Variants in SLC7A5 observed in about 807,000 individuals in gnomAD.
The protein encoded by SLC7A5 is solute carrier family 7 member 5, also known as large neutral amino acids transporter small subunit 1.
A neutral mutation model predicts 50.2 loss-of-function variants in SLC7A5; 23 were observed. The ratio of observed to expected loss-of-function variants is 0.46; its 90% CI spans 0.33 to 0.65. SLC7A5 has a LOEUF of 0.65. Among genes scored for constraint, SLC7A5 ranks in the 30% least tolerant of loss-of-function variants. SLC7A5 has a pLI of 0.02. For missense variants in SLC7A5, 578 were observed against 684.4 expected (o/e 0.84, Z 1.73); for synonymous variants, 393 against 330.6 (o/e 1.19, Z -2.05).
At chr16:87,846,045 T>C (rs1469717759) in intron 2 of SLC7A5, among the ~76,000 whole-genome samples, 2 of 152,214 alleles carry the variant, frequency 1.3e-5, no homozygotes, top group South Asian at 2.1e-4. Flanking sequence ...CAAGCATCCT[T>C]TATCAACTGC....
At chr16:87,864,495 C>A (rs971644162) in intron 1 of SLC7A5, among the ~76,000 whole-genome samples, 1 of 152,126 alleles carries the variant, frequency 6.6e-6, no homozygotes, top group Non-Finnish European at 1.5e-5. Context: ...TCTCCCTTCC[C>A]GGGACATCCA....
intron 5 of SLC7A5, among the ~76,000 whole-genome samples, chr16:87,839,320 A>G (rs537058595): frequency 2.0e-4 from 30 of 152,342 alleles, no homozygotes; most frequent in Non-Finnish European, 4.0e-4. Context: ...CCAAGCCAGC[A>G]GCAGCCGTGC....
chr16:87,838,677 G>C, intron 6 of SLC7A5, 37 bp downstream of exon 6: 1 of 1,489,258 alleles, frequency 6.7e-7, no homozygotes, highest in South Asian at 1.1e-5. Flanking sequence ...ATGAGGCCTG[G>C]GCCTCCCTCA....
rs1445170529 is a variant in SLC7A5, at chr16:87,833,806, C to T, written c.1468+608G>A. 6.6e-6 allele frequency among the ~76,000 whole-genome samples: 1 copy of T among 151,762 alleles called. No homozygotes were observed. The highest frequency in any genetic ancestry group is 1.5e-5 in the Non-Finnish European group (1 of 67,916). On this transcript the variant is annotated intron_variant, in intron 9 of 9. Coordinates refer to ENST00000261622, the MANE Select transcript of SLC7A5 (RefSeq NM_003486.7). The surrounding 1 kb of genome is among the most constrained non-coding windows in gnomAD (Gnocchi z 6.0). ...GGTCCTGAGCTTGGTGACAAAGCACCCCTGGGGCTGCCGCTGCACACAGGG... is the reference window on the plus strand; with the variant it reads ...GGTCCTGAGCTTGGTGACAAAGCACTCCTGGGGCTGCCGCTGCACACAGGG...
intron 1 of SLC7A5, among the ~76,000 whole-genome samples, chr16:87,856,848 T>G (rs1004054534): frequency 6.6e-6 from 1 of 151,756 alleles, no homozygotes; most frequent in East Asian, 1.9e-4. Flanking sequence ...AAAGCAGTGG[T>G]GGGGGAGGCG....
intron 2 of SLC7A5, among the ~76,000 whole-genome samples, chr16:87,847,162 G>T (rs1170252199): frequency 1.3e-5 from 2 of 152,216 alleles, no homozygotes; most frequent in African/African-American, 4.8e-5. Flanking sequence ...AGAAGGAACA[G>T]CTCTAAGCCA....
intron 2 of SLC7A5, 146 bp downstream of exon 2, chr16:87,851,578 G>T: frequency 2.8e-6 from 3 of 1,079,100 alleles, no homozygotes; most frequent in South Asian, 1.6e-5. Context: ...CTTGCTGGGT[G>T]ATTTTCCCAG....
chr16:87,834,369 C>T, intron 9 of SLC7A5, 45 bp downstream of exon 9: 2 of 1,545,792 alleles, frequency 1.3e-6, no homozygotes, highest in Non-Finnish European at 1.8e-6. Context: ...CCTTCGCTGC[C>T]CAGGGCAGAG....
chr16:87,848,775 C>G (rs35567562), intron 2 of SLC7A5, among the ~76,000 whole-genome samples: 1 of 152,260 alleles, frequency 6.6e-6, no homozygotes, highest in East Asian at 1.9e-4. Flanking sequence ...CTATGGCTCT[C>G]AGGTCCCCCC....
At chr16:87,859,526 G>C (rs1450696062) in intron 1 of SLC7A5, among the ~76,000 whole-genome samples, 1 of 152,126 alleles carries the variant, frequency 6.6e-6, no homozygotes, top group Admixed American at 6.5e-5. Flanking sequence ...ATTGCCAAAG[G>C]GATATTCCAA....
intron 3 of SLC7A5, 126 bp downstream of exon 3, chr16:87,840,918 CAAGGGG>C: frequency 1.5e-6 from 1 of 665,968 alleles, no homozygotes; most frequent in Non-Finnish European, 2.7e-6. Context: ...CTTTAACTGC[CAAGGGG>C]CAGTTAAAGG....
rs1176632693 is a variant in SLC7A5 at position 87,860,210 on chromosome 16, G to A, written c.539-8361C>T. On this transcript the variant is annotated intron_variant, in intron 1 of 9. Transcript: ENST00000261622. The surrounding 1 kb of genome is among the most constrained non-coding windows in gnomAD (Gnocchi z 4.8). Reference sequence around the variant, plus strand: ...TAGCTGGGCATGGTGGTGCATGCCTGTAGTCCCAGCTACTCGGGAAGCTAA... The same window carrying A: ...TAGCTGGGCATGGTGGTGCATGCCTATAGTCCCAGCTACTCGGGAAGCTAA... Among the ~76,000 whole-genome samples the A allele has an allele frequency of 2.6e-5, 4 of 151,628 alleles. No homozygotes were observed. In the South Asian group the frequency reaches 6.2e-4, roughly 24 times the overall value.
At chr16:87,843,652 T>A (rs1434892477) in intron 2 of SLC7A5, among the ~76,000 whole-genome samples, 3 of 152,124 alleles carry the variant, frequency 2.0e-5, no homozygotes, top group Non-Finnish European at 4.4e-5. Flanking sequence ...CCTCTCAGCA[T>A]GACCAGCGGG....
chr16:87,850,673 G>T (rs1309419967), intron 2 of SLC7A5, among the ~76,000 whole-genome samples: 1 of 152,222 alleles, frequency 6.6e-6, no homozygotes, highest in African/African-American at 2.4e-5. Context: ...ACTGCAGACA[G>T]AGGCATCCCT....
At position 87,847,003 on chromosome 16, in the gene SLC7A5, C is replaced by T. The variant is rs529071121; in HGVS notation, c.664+4721G>A. On this transcript the variant is annotated intron_variant, in intron 2 of 9. Transcript: ENST00000261622. ...TCCCAAGGCAGCTGCACATCTAGCA[C>T]CTGCCCTTGCCCTCTCTCCGGGAGG... is the stretch of plus-strand genomic sequence containing the variant. Among the ~76,000 whole-genome samples the T allele has an allele frequency of 2.6e-5, 4 of 152,306 alleles. No individual in the cohort carries two copies. The South Asian group carries it at 6.2e-4, about 24-fold the overall frequency.
At position 87,861,234 on chromosome 16, in the gene SLC7A5, G is replaced by A. The variant is rs2055394045; in HGVS notation, c.538+7651C>T. On this transcript the variant is annotated intron_variant, in intron 1 of 9. Coordinates refer to ENST00000261622, the MANE Select transcript of SLC7A5 (RefSeq NM_003486.7). This position sits in a 1 kb window ranked among gnomAD's most constrained non-coding sequence, Gnocchi z 4.2. ...AACCCTGTGGCTGTCCAGGGTACCT[G>A]GATGTGAGTCTGGGAAGGATGGAGA... Among the ~76,000 whole-genome samples the A allele has an allele frequency of 6.6e-6, 1 of 152,190 alleles. No individual in the cohort carries two copies. Among genetic ancestry groups the A allele is most frequent in the South Asian group, 2.1e-4 (1 of 4,836 alleles).
intron 8 of SLC7A5, among the ~76,000 whole-genome samples, chr16:87,835,661 A>G (rs2054991424): frequency 6.6e-6 from 1 of 152,104 alleles, no homozygotes; most frequent in South Asian, 2.1e-4. Context: ...TTTTTAGTAG[A>G]GACGGGGTTT....
intron 1 of SLC7A5, among the ~76,000 whole-genome samples, chr16:87,855,202 G>A (rs1034834983): frequency 2.6e-5 from 4 of 152,220 alleles, no homozygotes; most frequent in African/African-American, 9.6e-5. Flanking sequence ...CTCGCCACGT[G>A]CCCTGCTGCT....
intron 2 of SLC7A5, among the ~76,000 whole-genome samples, chr16:87,843,738 G>A (rs114563600): frequency 5.9e-5 from 9 of 152,288 alleles, no homozygotes; most frequent in African/African-American, 2.2e-4. Context: ...GGAGGCCGGG[G>A]ATGCTGCTGG....
Sources: allele counts gnomAD v4.1 joint callset (sites outside exome capture counted in the v4.1 genomes callset), GRCh38; gene constraint gnomAD v4.1.1; non-coding constraint Gnocchi (gnomAD v3.1); transcripts MANE v1.5; gene names NCBI Gene and HGNC (gene_info 2026-07-23, HGNC 2026-07-21).